DNAH11: variants seen among roughly 807,000 people sequenced by gnomAD.
DNAH11 encodes the protein dynein axonemal heavy chain 11.
In DNAH11, 442 loss-of-function variants were observed where a neutral mutation model predicts 526.0. That is an observed-to-expected ratio of 0.84 (90% CI 0.78 to 0.91). The LOEUF (loss-of-function observed/expected upper bound fraction) is 0.91. DNAH11 is among the 40% of genes least tolerant of loss of function. The pLI, the probability that DNAH11 is intolerant of heterozygous loss-of-function variation, is 0.00. For missense variants in DNAH11, 6,989 were observed against 5,448.7 expected, an observed-to-expected ratio of 1.28 and a Z score of -8.90; for synonymous variants, 2,461 against 1,935.9, an observed-to-expected ratio of 1.27 and a Z score of -7.12.
chr7:21,749,485 T>C (rs1335367574), intron 52 of DNAH11, among the ~76,000 whole-genome samples, 193 bp from the exon 53 acceptor site: 7 of 152,034 alleles, frequency 4.6e-5, no homozygotes, highest in Admixed American at 4.6e-4. Flanking sequence ...ACCTTACGAG[T>C]CAGCAATGGA....
intron 61 of DNAH11, among the ~76,000 whole-genome samples, chr7:21,794,061 T>G (rs547469233): frequency 6.6e-6 from 1 of 152,356 alleles, no homozygotes; most frequent in African/African-American, 2.4e-5. Context: ...TCAAATTCAT[T>G]TTTTACTTCA....
At chr7:21,793,490 C>T (rs1195275926) in intron 61 of DNAH11, among the ~76,000 whole-genome samples, 2 of 152,044 alleles carry the variant, frequency 1.3e-5, no homozygotes, top group African/African-American at 4.8e-5. Flanking sequence ...GTGGCACGCC[C>T]TTGTAGTCCC....
chr7:21,793,420 A>G (rs1288292251), intron 61 of DNAH11, among the ~76,000 whole-genome samples: 2 of 152,136 alleles, frequency 1.3e-5, no homozygotes, highest in African/African-American at 4.8e-5. Flanking sequence ...GATTGAGACC[A>G]TCCTGGCCAA....
chr7:21,623,731 T>C (rs1011258927), intron 25 of DNAH11, among the ~76,000 whole-genome samples: 6 of 149,900 alleles, frequency 4.0e-5, no homozygotes, highest in Non-Finnish European at 5.9e-5. Flanking sequence ...AACCAAGCAC[T>C]GCATGTTCTC....
At chr7:21,766,584 T>A (rs1787195220) in intron 55 of DNAH11, among the ~76,000 whole-genome samples, 1 of 152,206 alleles carries the variant, frequency 6.6e-6, no homozygotes, top group African/African-American at 2.4e-5. Context: ...AAAGCAATCC[T>A]TTTACATTTT....
chr7:21,783,220 A>T (rs921293149), intron 57 of DNAH11, among the ~76,000 whole-genome samples: 1 of 152,154 alleles, frequency 6.6e-6, no homozygotes, highest in Non-Finnish European at 1.5e-5. Flanking sequence ...CTCAGTAAGC[A>T]TGCAGGGTTC....
chr7:21,683,705 C>T, intron 31 of DNAH11, 79 bp from the exon 32 acceptor site: 1 of 1,399,314 alleles, frequency 7.1e-7, no homozygotes, highest in Non-Finnish European at 9.5e-7. Flanking sequence ...AAATGTGAAC[C>T]AGTAGAGTTG....
At chr7:21,775,914 T>A (rs1787652538) in intron 56 of DNAH11, among the ~76,000 whole-genome samples, 1 of 152,164 alleles carries the variant, frequency 6.6e-6, no homozygotes, top group Non-Finnish European at 1.5e-5. Flanking sequence ...AAACTGAGCT[T>A]TCAATACTGT....
At chr7:21,656,543 T>G (rs1782022271) in intron 29 of DNAH11, among the ~76,000 whole-genome samples, 1 of 152,164 alleles carries the variant, frequency 6.6e-6, no homozygotes, top group African/African-American at 2.4e-5. Flanking sequence ...ACCTCAAAAA[T>G]ATTCTTAACA....
At position 21,543,778 on chromosome 7, in the gene DNAH11, C is replaced by T. The variant is rs76283554; in HGVS notation, c.351+182C>T. 5,930 of 630,506 alleles carry T rather than the reference C, an allele frequency of 9.4e-3. 128 individuals are homozygous for T. Among genetic ancestry groups the T allele is most frequent in the Admixed American group, 0.048 (1,599 of 33,066 alleles). The allele number at this position is 630,506 out of a possible 1,614,324, so 39.1% of individuals were successfully genotyped here. Reference sequence around the variant, plus strand: ...CACGTGCACCCACTCTGCAGTTCAGCAGCTGCAGGTTAGTTTCCTAAGTCA... The same window carrying T: ...CACGTGCACCCACTCTGCAGTTCAGTAGCTGCAGGTTAGTTTCCTAAGTCA... On this transcript the variant is annotated intron_variant, in intron 1 of 81. Coordinates refer to ENST00000409508, the MANE Select transcript of DNAH11 (RefSeq NM_001277115.2).
In DNAH11 at chr7:21,758,042, A is replaced by G. The variant is rs577975858; in HGVS notation, c.8941-7386A>G. On this transcript the variant is annotated intron_variant, in intron 54 of 81. Coordinates refer to ENST00000409508, the MANE Select transcript of DNAH11 (RefSeq NM_001277115.2). ...CCATCTCGACGGCTTCATCCATGAG[A>G]GAGGCACTCTTCACCCCTCCTGCAG... is the stretch of plus-strand genomic sequence containing the variant. 1.4e-3 allele frequency among the ~76,000 whole-genome samples: 212 copies of G among 152,290 alleles called. 1 individual carries two copies. Among genetic ancestry groups the G allele is most frequent in the Middle Eastern group, 0.01 (3 of 294 alleles).
At chr7:21,806,105 A>G (rs934257210) in intron 62 of DNAH11, among the ~76,000 whole-genome samples, 2 of 152,220 alleles carry the variant, frequency 1.3e-5, no homozygotes, top group African/African-American at 2.4e-5. Flanking sequence ...CTTGAAATTT[A>G]TTACAGGACA....
chr7:21,860,954 C>A (rs1330142082), intron 68 of DNAH11, among the ~76,000 whole-genome samples: 1 of 152,056 alleles, frequency 6.6e-6, no homozygotes, highest in African/African-American at 2.4e-5. Context: ...TCACTACCAC[C>A]AGAACAGTAT....
At position 21,571,790 on chromosome 7, in the gene DNAH11, T is replaced by C. The variant is rs897910985; in HGVS notation, c.1426-16T>C. On this transcript the variant is annotated splice_polypyrimidine_tract_variant and intron_variant, in intron 7 of 81. Coordinates refer to ENST00000409508, the MANE Select transcript of DNAH11 (RefSeq NM_001277115.2). Reference sequence around the variant, plus strand: ...CTCAATGTAGTGGAAAGGTCTTTACTGTGTTTTTTACAAAGGATATATTTG... The same window carrying C: ...CTCAATGTAGTGGAAAGGTCTTTACCGTGTTTTTTACAAAGGATATATTTG... 6.3e-7 allele frequency: 1 copy of C among 1,597,806 alleles called. No individual in the cohort carries two copies.
chr7:21,674,470 C>T (rs575851750), intron 30 of DNAH11, among the ~76,000 whole-genome samples: 12 of 151,872 alleles, frequency 7.9e-5, no homozygotes, highest in South Asian at 6.2e-4. Context: ...AAACAATTCC[C>T]ATGCCTCAGC....
Position 21,725,879 on chromosome 7 carries a change from G to A in DNAH11, c.7335G>A (p.Ser2445=), listed in dbSNP as rs11768670. The stretch of plus-strand genomic sequence containing the variant: ...AGATGAAAGCAGTGAAATTTCCGTC[G>A]CAGGGAACAATCTTTGATTATTATG... The part of the protein sequence containing the change: ...QKEMKAVKFP[S]QGTIFDYYVD... The change falls in exon 45 of 82, where the codon TCG becomes TCA. Residue 2445 remains serine (S), a synonymous_variant. Coordinates refer to ENST00000409508, the MANE Select transcript of DNAH11 (RefSeq NM_001277115.2). The A allele has an allele frequency of 0.22, 351,212 of 1,607,404 alleles. 40,519 individuals are homozygous for A. The highest frequency in any genetic ancestry group is 0.24 in the Non-Finnish European group (282,030 of 1,176,628).
chr7:21,555,055 G>A (rs1783163464), intron 2 of DNAH11, among the ~76,000 whole-genome samples: 1 of 152,150 alleles, frequency 6.6e-6, no homozygotes, highest in African/African-American at 2.4e-5. Context: ...TTTTCACTGG[G>A]CAGGAACTTT....
At chr7:21,562,586 A>T (rs1783510329) in intron 5 of DNAH11, among the ~76,000 whole-genome samples, 1 of 152,156 alleles carries the variant, frequency 6.6e-6, no homozygotes, top group Admixed American at 6.5e-5. Flanking sequence ...CAATAGAACA[A>T]GTGGCTCAAA....
intron 76 of DNAH11, among the ~76,000 whole-genome samples, chr7:21,888,038 C>T (rs62445891): frequency 0.049 from 7,508 of 152,178 alleles, 235 homozygotes; most frequent in Non-Finnish European, 0.064. Context: ...GAGAACAACA[C>T]GGGCAATACG....
Sources: allele counts gnomAD v4.1 joint callset (sites outside exome capture counted in the v4.1 genomes callset), GRCh38; gene constraint gnomAD v4.1.1; transcripts MANE v1.5; gene names NCBI Gene and HGNC (gene_info 2026-07-23, HGNC 2026-07-21).